Variants in GLIS3 observed in about 807,000 individuals in gnomAD.
GLIS3 encodes zinc finger protein GLIS3.
A neutral mutation model predicts 78.6 loss-of-function variants in GLIS3; 53 were observed. The ratio of observed to expected loss-of-function variants is 0.67; its 90% confidence interval spans 0.54 to 0.85. The LOEUF is 0.85. Ranked by LOEUF, GLIS3 falls within the 40% of genes least tolerant of loss-of-function variation. The probability of loss-of-function intolerance (pLI) is 0.00; values close to 1 mark genes in which losing one functional copy is unlikely to be tolerated. For missense variants in GLIS3, 1,703 were observed against 1,231.1 expected (o/e 1.38, Z -5.74); for synonymous variants, 684 against 509.9 (o/e 1.34, Z -4.60).
intron 4 of GLIS3, among the ~76,000 whole-genome samples, chr9:4,060,990 C>A (rs1413868997): frequency 6.6e-6 from 1 of 152,160 alleles, no homozygotes; most frequent in Admixed American, 6.5e-5. Context: ...CTATCTCTTG[C>A]ATGCTTCCAA....
At chr9:4,221,218 G>C (rs1821305111) in intron 2 of GLIS3, among the ~76,000 whole-genome samples, 1 of 152,264 alleles carries the variant, frequency 6.6e-6, no homozygotes, top group East Asian at 1.9e-4. Context: ...AGTAGAAAGA[G>C]AAAATGATAA....
intron 2 of GLIS3, among the ~76,000 whole-genome samples, chr9:4,201,486 T>C (rs1381549710): frequency 1.3e-5 from 2 of 152,180 alleles, no homozygotes; most frequent in African/African-American, 4.8e-5. Context: ...TCAGTGAAGT[T>C]TCAGGATACA....
At chr9:4,333,905 G>A (rs528314497) in intron 2 of GLIS3, among the ~76,000 whole-genome samples, 1 of 152,114 alleles carries the variant, frequency 6.6e-6, no homozygotes, top group Non-Finnish European at 1.5e-5. Flanking sequence ...CTTTGCATTG[G>A]GAATTTCTTG....
At chr9:4,059,830 G>GAC (rs1554684248) in intron 4 of GLIS3, among the ~76,000 whole-genome samples, 1 of 29,424 alleles carries the variant, frequency 3.4e-5, no homozygotes, top group African/African-American at 1.0e-4. Flanking sequence ...GTGTGTGTGT[G>GAC]AGAGAGAGAG....
chr9:4,213,099 C>G (rs781203865), intron 2 of GLIS3, among the ~76,000 whole-genome samples: 7 of 152,182 alleles, frequency 4.6e-5, no homozygotes, highest in Non-Finnish European at 7.4e-5. Context: ...GCCATCAATT[C>G]ACCCCTCCTT....
the GLIS3 span, among the ~76,000 whole-genome samples, chr9:4,394,043 G>T: frequency 4.0e-5 from 6 of 151,698 alleles, no homozygotes; most frequent in Admixed American, 2.6e-4. Context: ...GCTGAACCCA[G>T]TTCCATTAAA....
chr9:3,849,865 C>T (rs932777304), intron 9 of GLIS3, among the ~76,000 whole-genome samples: 8 of 151,508 alleles, frequency 5.3e-5, no homozygotes, highest in African/African-American at 1.9e-4. Flanking sequence ...ACATAGATTG[C>T]GCCACTGCAC....
chr9:3,920,861 T>C lies in GLIS3; in HGVS notation c.1983+11499A>G, dbSNP rs199883113. ...TGTGCTAGACTAGCCCAAAGCAGTA[T>C]TGTGAAACAGAGCTTCTTGTCTTCG... On this transcript the variant is annotated intron_variant, in intron 6 of 10. Transcript: ENST00000381971. Among the ~76,000 whole-genome samples the C allele has an allele frequency of 1.1e-3, 166 of 152,304 alleles. 1 individual carries two copies. The highest frequency in any genetic ancestry group is 3.8e-3 in the African/African-American group (156 of 41,578).
chr9:4,345,118 G>C (rs923150825), intron 2 of GLIS3, among the ~76,000 whole-genome samples: 5 of 152,102 alleles, frequency 3.3e-5, no homozygotes, highest in Admixed American at 6.5e-5. Context: ...TTCCCCCTCA[G>C]AGCAAAAGCC....
At position 4,234,221 on chromosome 9, in the gene GLIS3, GC is replaced by G. The variant is rs570967716; in HGVS notation, c.388+51816del. Among the ~76,000 whole-genome samples the G allele has an allele frequency of 3.9e-5, 6 of 152,258 alleles. No individual in the cohort carries two copies. In the South Asian group the frequency reaches 1.2e-3, roughly 32 times the overall value. ...ACTTTTCCTTTGCATTCACAACTTG[GC>G]TAAATGTTTGACACAATTGGTTTTA... On this transcript the variant is annotated intron_variant, in intron 2 of 10. Coordinates refer to ENST00000381971, the MANE Select transcript of GLIS3 (RefSeq NM_001042413.2).
chr9:4,066,751 T>C (rs7033818), intron 4 of GLIS3, among the ~76,000 whole-genome samples: 41,538 of 152,248 alleles, frequency 0.27, 5,957 homozygotes, highest in Middle Eastern at 0.4. Flanking sequence ...AGAGAGACAC[T>C]GCAAGGTGAA....
chr9:4,441,224 C>A, the GLIS3 span, among the ~76,000 whole-genome samples: 6 of 152,264 alleles, frequency 3.9e-5, no homozygotes, highest in Admixed American at 2.6e-4. Context: ...GCATCTTTGC[C>A]TTATCCAAAT....
At chr9:4,246,035 T>C (rs1823772605) in intron 2 of GLIS3, among the ~76,000 whole-genome samples, 1 of 152,130 alleles carries the variant, frequency 6.6e-6, no homozygotes, top group Admixed American at 6.6e-5. Flanking sequence ...CCATTGTGAG[T>C]AGGACCCATT....
chr9:4,208,849 C>A (rs1820112715), intron 2 of GLIS3, among the ~76,000 whole-genome samples: 5 of 152,150 alleles, frequency 3.3e-5, no homozygotes, highest in Admixed American at 2.6e-4. Flanking sequence ...GTGTGCCCTT[C>A]AGAGGAGGTG....
intron 4 of GLIS3, among the ~76,000 whole-genome samples, chr9:4,070,426 A>G (rs1294216499): frequency 6.6e-6 from 1 of 152,190 alleles, no homozygotes; most frequent in Non-Finnish European, 1.5e-5. Context: ...TAGACACAGT[A>G]CTGTCTCTCT....
chr9:3,929,831 T>C (rs1450122356), intron 6 of GLIS3, among the ~76,000 whole-genome samples: 2 of 152,254 alleles, frequency 1.3e-5, no homozygotes, highest in African/African-American at 4.8e-5. Flanking sequence ...TTTCAATTTT[T>C]AATTAAAGTC....
chr9:4,353,714 A>G, the GLIS3 span, among the ~76,000 whole-genome samples: 1 of 152,188 alleles, frequency 6.6e-6, no homozygotes, highest in Non-Finnish European at 1.5e-5. Flanking sequence ...CACACAGCAG[A>G]ATAGTCCTCC....
intron 2 of GLIS3, among the ~76,000 whole-genome samples, chr9:4,169,163 C>G (rs575130657): frequency 9.0e-4 from 137 of 152,296 alleles, no homozygotes; most frequent in South Asian, 3.7e-3. Context: ...TCAACTGGTA[C>G]TCCTCTGACT....
chr9:4,248,264 G>C (rs1157252714), intron 2 of GLIS3, among the ~76,000 whole-genome samples: 1 of 151,858 alleles, frequency 6.6e-6, no homozygotes, highest in Non-Finnish European at 1.5e-5. Flanking sequence ...ACAGGCTCCA[G>C]TGTGTGATGT....
Sources: gnomAD v4.1 joint callset for allele counts (sites outside exome capture counted in the v4.1 genomes callset) on GRCh38, gnomAD v4.1.1 for gene constraint, MANE v1.5 for transcripts, NCBI Gene and HGNC (gene_info 2026-07-23, HGNC 2026-07-21) for gene names.